Variants in RNGTT observed in about 807,000 individuals in gnomAD.
RNGTT encodes RNA guanylyltransferase and 5'-phosphatase.
A neutral mutation model predicts 79.3 loss-of-function variants in RNGTT; 33 were observed. The observed-to-expected ratio is 0.42, with a 90% CI of 0.32 to 0.56. The LOEUF (loss-of-function observed/expected upper bound fraction) is 0.56, where lower values mean the gene tolerates loss of function less well. Among genes scored for constraint, RNGTT ranks in the 20% least tolerant of loss-of-function variants. The pLI, the probability that RNGTT is intolerant of heterozygous loss-of-function variation, is 0.17. For missense variants in RNGTT, 497 were observed against 739.1 expected, an observed-to-expected ratio of 0.67 and a Z score of 3.80; for synonymous variants, 222 against 235.9, an observed-to-expected ratio of 0.94 and a Z score of 0.54.
At chr6:88,639,143 T>C (rs1773214773) in intron 14 of RNGTT, among the ~76,000 whole-genome samples, 1 of 152,170 alleles carries the variant, frequency 6.6e-6, no homozygotes, top group South Asian at 2.1e-4. Flanking sequence ...ATAACTTTTT[T>C]TATTTTAGAG....
chr6:88,950,194 A>G (rs1395937801), intron 1 of RNGTT, among the ~76,000 whole-genome samples: 1 of 152,170 alleles, frequency 6.6e-6, no homozygotes, highest in Non-Finnish European at 1.5e-5. Context: ...TACTGCTCAG[A>G]AAAAAAGATT....
chr6:88,820,870 T>A (rs1780474811), intron 11 of RNGTT, among the ~76,000 whole-genome samples: 1 of 152,116 alleles, frequency 6.6e-6, no homozygotes, highest in Non-Finnish European at 1.5e-5. Flanking sequence ...ATTGTCAAGA[T>A]GTCAGTCTTC....
rs942366333 is a variant in RNGTT, at chr6:88,831,245, T to C, written c.1269+13112A>G. 2.0e-5 allele frequency among the ~76,000 whole-genome samples: 3 copies of C among 152,120 alleles called. No homozygotes were observed. In the South Asian group the frequency reaches 6.2e-4, roughly 32 times the overall value. On this transcript the variant is annotated intron_variant, in intron 11 of 15. Coordinates refer to ENST00000369485, the MANE Select transcript of RNGTT (RefSeq NM_003800.5). Reference sequence around the variant, plus strand: ...ACATCAAAAAACTTATCCACCACGATCAAGTCGGATTAGTCCCTGGGATGC... The same window carrying C: ...ACATCAAAAAACTTATCCACCACGACCAAGTCGGATTAGTCCCTGGGATGC...
intron 2 of RNGTT, among the ~76,000 whole-genome samples, chr6:88,930,446 G>A (rs567589691): frequency 6.6e-6 from 1 of 151,768 alleles, no homozygotes; most frequent in Non-Finnish European, 1.5e-5. Flanking sequence ...ACGGCAAGAG[G>A]ATCGCTTGAA....
At chr6:88,872,074 T>G (rs749631204) in intron 8 of RNGTT, among the ~76,000 whole-genome samples, 1 of 152,218 alleles carries the variant, frequency 6.6e-6, no homozygotes. Context: ...ATACAAACTT[T>G]AGGCATAGTC....
intron 11 of RNGTT, among the ~76,000 whole-genome samples, chr6:88,833,089 G>A (rs1038377415): frequency 2.6e-5 from 4 of 152,118 alleles, no homozygotes; most frequent in African/African-American, 4.8e-5. Flanking sequence ...ATAACCAAAG[G>A]AGTATAAATC....
rs189414496 is a variant in RNGTT, at chr6:88,610,263, C to A, written c.*2456G>T. 6.5e-6 allele frequency: 1 copy of A among 152,760 alleles called. No individual in the cohort carries two copies. The highest frequency in any genetic ancestry group is 6.5e-5 in the Admixed American group (1 of 15,298). 9.5% of individuals were successfully genotyped at this position (152,760 alleles called of 1,614,324 possible). On this transcript the variant is annotated 3_prime_UTR_variant, in exon 16 of 16. Transcript: ENST00000369485. ...TATCACCAGTAAAACAAAGTAGATA[C>A]ACTTATGCTAATTTAAATCAGTAGT...
At chr6:88,904,574 A>T (rs1340952687) in intron 6 of RNGTT, 141 bp downstream of exon 6, 676 of 864,538 alleles carry the variant, frequency 7.8e-4, no homozygotes, top group Non-Finnish European at 8.8e-4. Context: ...AAAAAAAAAA[A>T]TTTTTTTTTT....
chr6:88,706,640 T>C (rs190791072), intron 13 of RNGTT, among the ~76,000 whole-genome samples: 18 of 152,232 alleles, frequency 1.2e-4, no homozygotes, highest in African/African-American at 4.3e-4. Context: ...GGCATGCTTG[T>C]TTCCAACTAT....
At chr6:88,627,379 C>T (rs940282428) in intron 14 of RNGTT, among the ~76,000 whole-genome samples, 33 of 152,106 alleles carry the variant, frequency 2.2e-4, no homozygotes, top group African/African-American at 7.7e-4. Context: ...CTTACATTTA[C>T]TTTCAAGGAC....
chr6:88,698,222 CAT>C (rs527506148), intron 13 of RNGTT, among the ~76,000 whole-genome samples: 2,826 of 70,400 alleles, frequency 0.04, 252 homozygotes, highest in African/African-American at 0.13. Context: ...ATATATATAT[CAT>C]ATATATATGA....
intron 8 of RNGTT, among the ~76,000 whole-genome samples, chr6:88,876,337 T>A (rs1020141535): frequency 3.9e-5 from 6 of 152,264 alleles, no homozygotes; most frequent in Admixed American, 2.6e-4. Context: ...GAGACCAGCC[T>A]GGACAACACG....
At chr6:88,649,963 TCTTTA>T (rs1773735836) in intron 14 of RNGTT, among the ~76,000 whole-genome samples, 1 of 152,144 alleles carries the variant, frequency 6.6e-6, no homozygotes, top group Admixed American at 6.5e-5. Context: ...AACAGAATTG[TCTTTA>T]CTTTTTTTCT....
At position 88,678,346 on chromosome 6, in the gene RNGTT, A is replaced by C. The variant is rs374361510; in HGVS notation, c.1506+7T>G. 1.1e-5 allele frequency: 18 copies of C among 1,585,928 alleles called. No individual in the cohort carries two copies. The highest frequency in any genetic ancestry group is 1.3e-5 in the African/African-American group (1 of 74,502). On this transcript the variant is annotated splice_region_variant and intron_variant, in intron 14 of 15. Coordinates refer to ENST00000369485, the MANE Select transcript of RNGTT (RefSeq NM_003800.5). ...AGGAAAAGTACACTGAAAATGAACA[A>C]ACATACCTTGATTTGTGCAAAGGGT...
intron 14 of RNGTT, among the ~76,000 whole-genome samples, chr6:88,673,239 C>A (rs1210089322): frequency 6.6e-6 from 1 of 152,114 alleles, no homozygotes; most frequent in Non-Finnish European, 1.5e-5. Context: ...AATCAACAAC[C>A]AATATGTTCT....
intron 14 of RNGTT, among the ~76,000 whole-genome samples, chr6:88,671,114 C>T (rs1348515163): frequency 1.3e-5 from 2 of 152,080 alleles, no homozygotes; most frequent in Admixed American, 6.5e-5. Flanking sequence ...GGCAATCAGA[C>T]ATGGGAAATA....
chr6:88,807,537 A>AG (rs1779998418), intron 11 of RNGTT, among the ~76,000 whole-genome samples: 1 of 152,160 alleles, frequency 6.6e-6, no homozygotes, highest in African/African-American at 2.4e-5. Flanking sequence ...AGAAAAAAAG[A>AG]GGGAAAAAAG....
chr6:88,915,416 C>A (rs1783967534), intron 4 of RNGTT, among the ~76,000 whole-genome samples: 2 of 152,282 alleles, frequency 1.3e-5, no homozygotes, highest in South Asian at 4.1e-4. Flanking sequence ...TACATATATA[C>A]CATAGAATAC....
chr6:88,914,542 G>T (rs1027585418), intron 4 of RNGTT, among the ~76,000 whole-genome samples: 7 of 152,050 alleles, frequency 4.6e-5, no homozygotes, highest in African/African-American at 1.7e-4. Flanking sequence ...TGGGAAAAGG[G>T]CTCCCTATTC....
Sources: allele counts gnomAD v4.1 joint callset (sites outside exome capture counted in the v4.1 genomes callset), GRCh38; gene constraint gnomAD v4.1.1; transcripts MANE v1.5; gene names NCBI Gene and HGNC (gene_info 2026-07-23, HGNC 2026-07-21).